Variants in CLPB observed in about 807,000 individuals in gnomAD.
The protein encoded by CLPB is mitochondrial disaggregase.
A neutral mutation model predicts 78.4 loss-of-function variants in CLPB; 40 were observed. The observed-to-expected ratio is 0.51, with a 90% confidence interval of 0.40 to 0.66. CLPB has a LOEUF of 0.66. CLPB is among the 30% of genes least tolerant of loss of function. The pLI, the probability that CLPB is intolerant of heterozygous loss-of-function variation, is 0.00. For synonymous variants in CLPB, 333 were observed against 348.0 expected (o/e 0.96, Z 0.48); for missense variants, 780 against 886.9 (o/e 0.88, Z 1.53).
chr11:72,294,059 T>C lies in CLPB; in HGVS notation c.1748A>G (p.Tyr583Cys), dbSNP rs1361327421. 6.2e-7 allele frequency: 1 copy of C among 1,614,158 alleles called. No homozygotes were observed. The highest frequency in any genetic ancestry group is 1.7e-5 in the Admixed American group (1 of 60,026). The change falls in exon 15 of 16, where the codon TAC becomes TGC. Residue 583 changes from tyrosine (Y) to cysteine (C), a missense_variant. Transcript: ENST00000538039. ...GGAGCGGGCGCCATAGTGCACATTG[T>C]AGCCGTCGACCAGCACATCTGCCAC... Reference protein sequence around the residue: ...REVADVLVDGYNVHYGARSIK... With the variant: ...REVADVLVDGCNVHYGARSIK...
intron 7 of CLPB, 82 bp from the exon 8 acceptor site, chr11:72,308,686 A>G: frequency 8.2e-7 from 1 of 1,217,030 alleles, no homozygotes; most frequent in Non-Finnish European, 1.2e-6. Context: ...ATTATCACTA[A>G]GTATACAATA....
At chr11:72,392,352 A>G (rs142159156) in intron 3 of CLPB, among the ~76,000 whole-genome samples, 1 of 152,178 alleles carries the variant, frequency 6.6e-6, no homozygotes, top group East Asian at 1.9e-4. Context: ...AAGTCAAATG[A>G]GTTGTGGCTC....
intron 4 of CLPB, among the ~76,000 whole-genome samples, chr11:72,362,915 G>C (rs1186892727): frequency 3.3e-5 from 5 of 152,236 alleles, no homozygotes; most frequent in Non-Finnish European, 7.3e-5. Context: ...CAGCACTTTA[G>C]GAGGCCGAGG....
chr11:72,433,285 C>T lies in CLPB; in HGVS notation c.403+787G>A, dbSNP rs534936115. 9.9e-5 allele frequency among the ~76,000 whole-genome samples: 15 copies of T among 152,222 alleles called. No individual in the cohort carries two copies. In the South Asian group the frequency reaches 1.2e-3, roughly 13 times the overall value. ...TATATAAATAAAGAAATTGGTCAGACGCGGTGGCTCACGCCTGTAATCCCA... is the reference window on the plus strand; with the variant it reads ...TATATAAATAAAGAAATTGGTCAGATGCGGTGGCTCACGCCTGTAATCCCA... On this transcript the variant is annotated intron_variant, in intron 1 of 15. Coordinates refer to ENST00000538039, the MANE Select transcript of CLPB (RefSeq NM_001258392.3).
chr11:72,357,083 C>T (rs1277598086), intron 5 of CLPB: 2 of 152,242 alleles, frequency 1.3e-5, no homozygotes, highest in Admixed American at 1.3e-4. Flanking sequence ...ACTGCTGCCA[C>T]ATCCACAAGT....
intron 3 of CLPB, among the ~76,000 whole-genome samples, chr11:72,385,814 G>A (rs769717941): frequency 7.2e-5 from 11 of 152,198 alleles, no homozygotes; most frequent in Non-Finnish European, 1.6e-4. Flanking sequence ...ACAGCAAGAC[G>A]CCGTCTCAAA....
chr11:72,430,609 A>C (rs568023099), intron 1 of CLPB: 1 of 508,934 alleles, frequency 2.0e-6, no homozygotes, highest in East Asian at 3.6e-5. Context: ...CATAGAGGGA[A>C]TGCAGGTCAA....
intron 3 of CLPB, among the ~76,000 whole-genome samples, chr11:72,399,605 T>C (rs1855505293): frequency 6.6e-6 from 1 of 152,188 alleles, no homozygotes; most frequent in African/African-American, 2.4e-5. Flanking sequence ...ACAGAGACTA[T>C]TGTATTCTAT....
At chr11:72,353,788 G>A (rs924028333) in intron 5 of CLPB, among the ~76,000 whole-genome samples, 1 of 152,204 alleles carries the variant, frequency 6.6e-6, no homozygotes, top group East Asian at 1.9e-4. Flanking sequence ...AGGGGACAGA[G>A]AGGCCGAACA....
intron 5 of CLPB, chr11:72,354,275 G>GTA (rs1232189956): frequency 1.3e-5 from 5 of 383,088 alleles, no homozygotes; most frequent in African/African-American, 6.8e-5. Context: ...ATGTGTGTGT[G>GTA]TGTATATATA....
intron 3 of CLPB, among the ~76,000 whole-genome samples, chr11:72,396,618 T>C (rs1855414231): frequency 6.6e-6 from 1 of 152,244 alleles, no homozygotes; most frequent in Non-Finnish European, 1.5e-5. Flanking sequence ...TATGAATTTA[T>C]ACAAGTCCAC....
At chr11:72,378,801 G>A (rs763875469) in intron 4 of CLPB, among the ~76,000 whole-genome samples, 17 of 152,282 alleles carry the variant, frequency 1.1e-4, no homozygotes, top group Non-Finnish European at 2.2e-4. Context: ...GGAATACAAG[G>A]ACACAAAGAT....
At chr11:72,307,736 A>G (rs1344663016) in intron 8 of CLPB, among the ~76,000 whole-genome samples, 1 of 152,162 alleles carries the variant, frequency 6.6e-6, no homozygotes, top group African/African-American at 2.4e-5. Flanking sequence ...TCTTTGTAAC[A>G]CAGAGAAGGA....
In CLPB at chr11:72,290,226, A is replaced by C. The variant is rs116388588; in HGVS notation, c.*3141T>G. The C allele has an allele frequency of 1.1e-3, 165 of 152,354 alleles. 1 individual carries two copies. Among genetic ancestry groups the C allele is most frequent in the African/African-American group, 3.9e-3 (162 of 41,594 alleles). 9.4% of individuals were successfully genotyped at this position (152,354 alleles called of 1,614,324 possible). A position where few individuals can be genotyped will look rare whatever the true frequency, so the allele number is the denominator to read the frequency against. Reference sequence around the variant, plus strand: ...TTAAAAAGTGACAGGGGCAATGTCGAAACAACACAGTGCCAACTTCAATGA... The same window carrying C: ...TTAAAAAGTGACAGGGGCAATGTCGCAACAACACAGTGCCAACTTCAATGA... On this transcript the variant is annotated 3_prime_UTR_variant, in exon 16 of 16. Coordinates refer to ENST00000538039, the MANE Select transcript of CLPB (RefSeq NM_001258392.3).
intron 5 of CLPB, among the ~76,000 whole-genome samples, chr11:72,349,198 A>G (rs1180375110): frequency 6.6e-6 from 1 of 152,228 alleles, no homozygotes; most frequent in Non-Finnish European, 1.5e-5. Context: ...ATTGAAGCTC[A>G]GTACGGGGGA....
rs1002876047 is a variant in CLPB at position 72,409,287 on chromosome 11, G to T, written c.456-6235C>A. ...GGTAGACACAGAGTAGACCGCATTAGAAGTCCAGAGTTGAAGCCACGCATG... is the reference window on the plus strand; with the variant it reads ...GGTAGACACAGAGTAGACCGCATTATAAGTCCAGAGTTGAAGCCACGCATG... On this transcript the variant is annotated intron_variant, in intron 2 of 15. Coordinates refer to ENST00000538039, the MANE Select transcript of CLPB (RefSeq NM_001258392.3). Among the ~76,000 whole-genome samples, 4 of 152,068 alleles carry T rather than the reference G, an allele frequency of 2.6e-5. No individual in the cohort carries two copies. In the East Asian group the frequency reaches 7.7e-4, roughly 29 times the overall value.
chr11:72,336,417 C>T (rs1349627250), intron 5 of CLPB, among the ~76,000 whole-genome samples: 1 of 152,170 alleles, frequency 6.6e-6, no homozygotes, highest in African/African-American at 2.4e-5. Flanking sequence ...GGCTGGGGAG[C>T]CAGTGAGGGG....
At chr11:72,316,998 C>T (rs997998388) in intron 7 of CLPB, 108 bp downstream of exon 7, 31 of 692,840 alleles carry the variant, frequency 4.5e-5, no homozygotes, top group Non-Finnish European at 7.4e-5. Context: ...TAGTACTCAA[C>T]AAATGCTAAT....
chr11:72,307,317 A>C, intron 8 of CLPB, 63 bp from the exon 9 acceptor site: 1 of 1,308,192 alleles, frequency 7.6e-7, no homozygotes. Context: ...GGAATGAAAG[A>C]ATACTAGAAA....
Sources: allele counts gnomAD v4.1 joint callset (sites outside exome capture counted in the v4.1 genomes callset), GRCh38; gene constraint gnomAD v4.1.1; transcripts MANE v1.5; gene names NCBI Gene and HGNC (gene_info 2026-07-23, HGNC 2026-07-21).